The following AGL variants were observed in gnomAD, a reference collection of about 807,000 sequenced individuals.
AGL encodes the protein amylo-alpha-1,6-glucosidase and 4-alpha-glucanotransferase.
In AGL, 128 loss-of-function variants were observed where a neutral mutation model predicts 199.3. The ratio of observed to expected loss-of-function variants is 0.64; its 90% CI spans 0.56 to 0.74. AGL has a LOEUF of 0.74. Ranked by LOEUF, AGL falls within the 30% of genes least tolerant of loss-of-function variation. AGL has a pLI of 0.00. For missense variants in AGL, 1,809 were observed against 1,820.8 expected, an observed-to-expected ratio of 0.99 and a Z score of 0.12; for synonymous variants, 584 against 594.7, an observed-to-expected ratio of 0.98 and a Z score of 0.26.
At chr1:99,855,236 AT>A in intron 2 of AGL, among the ~76,000 whole-genome samples, 1 of 151,968 alleles carries the variant, frequency 6.6e-6, no homozygotes. Flanking sequence ...AGGACAAAGT[AT>A]GAGTTATTTT....
intron 31 of AGL, among the ~76,000 whole-genome samples, chr1:99,916,112 A>G (rs1007296114): frequency 1.3e-5 from 2 of 152,166 alleles, no homozygotes; most frequent in Non-Finnish European, 2.9e-5. Context: ...GAAATAGTTG[A>G]CTTTAAACCA....
intron 20 of AGL, among the ~76,000 whole-genome samples, chr1:99,887,743 T>C (rs1427976127): frequency 6.6e-6 from 1 of 152,174 alleles, no homozygotes; most frequent in African/African-American, 2.4e-5. Flanking sequence ...TACAATTTGG[T>C]ACTTGATTAT....
chr1:99,851,535 G>C (rs1175153610), intron 2 of AGL, among the ~76,000 whole-genome samples: 12 of 152,050 alleles, frequency 7.9e-5, no homozygotes, highest in Admixed American at 5.9e-4. Context: ...TTGAACCTTT[G>C]AATTGACAAA....
chr1:99,889,319 G>A lies in AGL; in HGVS notation c.2812+1211G>A, dbSNP rs1437869517. ...TTTCTGCAAAACCAAGCACGTAAGC[G>A]GTTCTCAATAAACTTTTTTGAGACT... On this transcript the variant is annotated intron_variant, in intron 21 of 33. Transcript: ENST00000361915. 3.9e-5 allele frequency among the ~76,000 whole-genome samples: 6 copies of A among 151,996 alleles called. 1 individual carries two copies. The highest frequency in any genetic ancestry group is 5.9e-5 in the Non-Finnish European group (4 of 67,998).
intron 5 of AGL, among the ~76,000 whole-genome samples, chr1:99,865,182 G>C (rs1266752641): frequency 2.0e-5 from 3 of 151,654 alleles, no homozygotes; most frequent in African/African-American, 7.3e-5. Context: ...TATATATATA[G>C]GGTTTCATAC....
chr1:99,872,916 G>A (rs1325517653), intron 7 of AGL, among the ~76,000 whole-genome samples: 2 of 152,108 alleles, frequency 1.3e-5, no homozygotes, highest in African/African-American at 4.8e-5. Context: ...GCCTGTTAAT[G>A]TTTCTTCTCA....
chr1:99,890,008 T>C (rs1286777725), intron 21 of AGL, among the ~76,000 whole-genome samples: 4 of 152,182 alleles, frequency 2.6e-5, no homozygotes, highest in Non-Finnish European at 4.4e-5. Flanking sequence ...TAATACGGTA[T>C]ATCTAGTCAT....
intron 21 of AGL, among the ~76,000 whole-genome samples, chr1:99,890,701 C>T (rs1652824131): frequency 6.6e-6 from 1 of 151,862 alleles, no homozygotes; most frequent in Non-Finnish European, 1.5e-5. Context: ...CTAAGTACCT[C>T]CTGTTAAATT....
intron 24 of AGL, among the ~76,000 whole-genome samples, chr1:99,895,380 C>T (rs1653217580): frequency 6.6e-6 from 1 of 151,980 alleles, no homozygotes; most frequent in African/African-American, 2.4e-5. Flanking sequence ...CTCCAATTAC[C>T]TAGAATGAAG....
intron 12 of AGL, 36 bp from the exon 13 acceptor site, chr1:99,879,887 A>G (rs1020092107): frequency 6.4e-7 from 1 of 1,551,464 alleles, no homozygotes; most frequent in Non-Finnish European, 8.9e-7. Context: ...TTTCTGTTAC[A>G]TTTATTTGTT....
chr1:99,850,737 A>G (rs940072388), intron 1 of AGL: 24 of 350,646 alleles, frequency 6.8e-5, no homozygotes, highest in African/African-American at 1.7e-4. Context: ...TAGGTTTTTA[A>G]TTTTTTAATT....
At position 99,921,422 on chromosome 1, in the gene AGL, A is replaced by G. The variant is rs554970263; in HGVS notation, c.4482-112A>G. 33 of 765,746 alleles carry G rather than the reference A, an allele frequency of 4.3e-5. No homozygotes were observed. The South Asian group carries it at 4.6e-4, about 11-fold the overall frequency. The allele number at this position is 765,746 out of a possible 1,614,324, so 47.4% of individuals were successfully genotyped here. A position where few individuals can be genotyped will look rare whatever the true frequency, so the allele number is the denominator to read the frequency against. ...AGGATATTGTTTTATTTTGTAGCAAATGACTACATATGATTATTTTCTACA... is the reference window on the plus strand; with the variant it reads ...AGGATATTGTTTTATTTTGTAGCAAGTGACTACATATGATTATTTTCTACA... On this transcript the variant is annotated intron_variant, in intron 33 of 33. Transcript: ENST00000361915.
rs376961150 is a variant in AGL at position 99,885,642 on chromosome 1, C to T, written c.2681+939C>T. On this transcript the variant is annotated intron_variant, in intron 20 of 33. Transcript: ENST00000361915. ...TGGCTGCATTAGATTCTCATAGGGACGTGAACCCTATTGTGAACTGTCCCT... is the reference window on the plus strand; with the variant it reads ...TGGCTGCATTAGATTCTCATAGGGATGTGAACCCTATTGTGAACTGTCCCT... Among the ~76,000 whole-genome samples, 7 of 152,070 alleles carry T rather than the reference C, an allele frequency of 4.6e-5. No individual in the cohort carries two copies. The East Asian group carries it at 5.8e-4, about 13-fold the overall frequency.
Position 99,900,616 on chromosome 1 carries a change from A to C in AGL, c.3363-20A>C. ...AAGTGTTTGTTTTCATTTCTGATCC[A>C]CTTAATTCTGTTGTTTTAGGAATAT... is the stretch of plus-strand genomic sequence containing the variant. On this transcript the variant is annotated intron_variant, in intron 25 of 33. Transcript: ENST00000361915. The C allele has an allele frequency of 6.2e-7, 1 of 1,603,238 alleles. No individual in the cohort carries two copies. Among genetic ancestry groups the C allele is most frequent in the Non-Finnish European group, 8.5e-7 (1 of 1,170,168 alleles).
chr1:99,914,346 A>G (rs550541989), intron 30 of AGL, among the ~76,000 whole-genome samples: 2 of 152,356 alleles, frequency 1.3e-5, no homozygotes, highest in East Asian at 3.9e-4. Flanking sequence ...TTTAGTTAAC[A>G]TTCTGTTTTC....
chr1:99,886,436 G>A (rs1397240224), intron 20 of AGL, among the ~76,000 whole-genome samples: 3 of 151,862 alleles, frequency 2.0e-5, no homozygotes, highest in Non-Finnish European at 4.4e-5. Context: ...AATGAGCCAT[G>A]ATTGTGCCAC....
chr1:99,886,051 C>G (rs1210199963), intron 20 of AGL, among the ~76,000 whole-genome samples: 1 of 152,152 alleles, frequency 6.6e-6, no homozygotes, highest in Non-Finnish European at 1.5e-5. Flanking sequence ...TTAATACTTT[C>G]AGCTCTATCC....
intron 24 of AGL, among the ~76,000 whole-genome samples, 172 bp downstream of exon 24, chr1:99,892,779 T>A (rs1570466774): frequency 6.6e-6 from 1 of 152,174 alleles, no homozygotes; most frequent in Non-Finnish European, 1.5e-5. Flanking sequence ...TGCTTACTGT[T>A]TAATTATAAC....
rs1401725714 is a variant in AGL, at chr1:99,913,535, A to G, written c.3958A>G (p.Ile1320Val). 6.2e-7 allele frequency: 1 copy of G among 1,612,582 alleles called. No homozygotes were observed. The highest frequency in any genetic ancestry group is 1.3e-5 in the African/African-American group (1 of 74,896). ...CTTATGTCATTTTTCAGGAAAGGCTATAAAGGTCTCATATGATGAGTGGAA... is the reference window on the plus strand; with the variant it reads ...CTTATGTCATTTTTCAGGAAAGGCTGTAAAGGTCTCATATGATGAGTGGAA... ...EVTVKRHGKAIKVSYDEWNRK... is the reference protein window; with the variant it reads ...EVTVKRHGKAVKVSYDEWNRK... The change falls in exon 30 of 34, where the codon ATA becomes GTA. Residue 1320 changes from isoleucine (I) to valine (V), a missense_variant. By Grantham distance (29) the Ile-to-Val change is conservative. Coordinates refer to ENST00000361915, the MANE Select transcript of AGL (RefSeq NM_000642.3).
Sources: allele counts gnomAD v4.1 joint callset (sites outside exome capture counted in the v4.1 genomes callset), GRCh38; gene constraint gnomAD v4.1.1; transcripts MANE v1.5; gene names NCBI Gene and HGNC (gene_info 2026-07-23, HGNC 2026-07-21).